Variants in SGPP2 observed in about 807,000 individuals in gnomAD.
SGPP2 encodes the protein sphingosine 1-phosphate phosphohydrolase 2.
Under a neutral mutation model 33.9 loss-of-function variants are expected in SGPP2, and 30 were observed. The observed-to-expected ratio is 0.89, with a 90% CI of 0.66 to 1.20. The LOEUF (loss-of-function observed/expected upper bound fraction) is 1.20. SGPP2 is among the 50% of genes most tolerant of loss of function. The pLI, the probability that SGPP2 is intolerant of heterozygous loss-of-function variation, is 0.00. For synonymous variants in SGPP2, 233 were observed against 225.0 expected (o/e 1.04, Z -0.32); for missense variants, 458 against 532.1 (o/e 0.86, Z 1.37).
chr2:222,430,994 T>A (rs1284169086), intron 1 of SGPP2, among the ~76,000 whole-genome samples: 1 of 151,756 alleles, frequency 6.6e-6, no homozygotes, highest in African/African-American at 2.4e-5. Flanking sequence ...AAAAAAAAAT[T>A]AGGTAAAAAA....
At chr2:222,473,429 T>C (rs1697879668) in intron 1 of SGPP2, among the ~76,000 whole-genome samples, 1 of 152,176 alleles carries the variant, frequency 6.6e-6, no homozygotes, top group Non-Finnish European at 1.5e-5. Context: ...TTCTGCCTCC[T>C]CCTTCCATTT....
At position 222,550,606 on chromosome 2, in the gene SGPP2, T is replaced by G. The variant is rs2106155004; in HGVS notation, c.649-7741T>G. On this transcript the variant is annotated intron_variant, in intron 4 of 4. Coordinates refer to ENST00000321276, the MANE Select transcript of SGPP2 (RefSeq NM_152386.4). The surrounding 1 kb of genome is among the most constrained non-coding windows in gnomAD (Gnocchi z 4.5). ...ATGGTTACCTTGAAACCATAGAAAA[T>G]GAGGTTGCAGAAATTTGTCTTTTCA... Among the ~76,000 whole-genome samples, 1 of 152,274 alleles carries G rather than the reference T, an allele frequency of 6.6e-6. No homozygotes were observed. The highest frequency in any genetic ancestry group is 2.1e-4 in the South Asian group (1 of 4,830).
chr2:222,496,709 C>T (rs146743465), intron 2 of SGPP2, among the ~76,000 whole-genome samples: 1,632 of 152,238 alleles, frequency 0.011, 88 homozygotes, highest in Admixed American at 0.099. Flanking sequence ...CCAGTAGGTA[C>T]ATATTCTACT....
chr2:222,549,213 T>A (rs1229690113), intron 4 of SGPP2, among the ~76,000 whole-genome samples: 1 of 152,240 alleles, frequency 6.6e-6, no homozygotes, highest in African/African-American at 2.4e-5. Context: ...ATGCATTCTT[T>A]CCTAACAATT....
chr2:222,441,993 C>A (rs893988390), intron 1 of SGPP2, among the ~76,000 whole-genome samples: 3 of 152,216 alleles, frequency 2.0e-5, no homozygotes, highest in African/African-American at 4.8e-5. Flanking sequence ...TACAGTATAT[C>A]TTTTCCTGTT....
In SGPP2 at chr2:222,442,975, T is replaced by G. The variant is rs539643395; in HGVS notation, c.219+18154T>G. 8.5e-5 allele frequency among the ~76,000 whole-genome samples: 13 copies of G among 152,272 alleles called. No individual in the cohort carries two copies. The East Asian group carries it at 2.3e-3, about 27-fold the overall frequency. ...ACGATCAAATATTGAATCATGACAT[T>G]ATAGTAAGGAATGCCTCCGAAGTAA... On this transcript the variant is annotated intron_variant, in intron 1 of 4. Coordinates refer to ENST00000321276, the MANE Select transcript of SGPP2 (RefSeq NM_152386.4).
At chr2:222,470,103 G>C (rs759089496) in intron 1 of SGPP2, among the ~76,000 whole-genome samples, 1 of 152,014 alleles carries the variant, frequency 6.6e-6, no homozygotes, top group African/African-American at 2.4e-5. Context: ...ATCACACACC[G>C]GGGCCTGTCA....
intron 3 of SGPP2, among the ~76,000 whole-genome samples, chr2:222,523,986 C>A (rs1322538119): frequency 6.6e-6 from 1 of 152,168 alleles, no homozygotes; most frequent in Non-Finnish European, 1.5e-5. Context: ...GAAGGCATGG[C>A]CTTCAGTTCT....
intron 1 of SGPP2, among the ~76,000 whole-genome samples, chr2:222,449,142 C>T (rs1045998827): frequency 2.0e-4 from 31 of 152,178 alleles, no homozygotes; most frequent in African/African-American, 7.0e-4. Flanking sequence ...TCCCACTGTG[C>T]GTTCTGTCTT....
chr2:222,488,196 C>T (rs376659598), intron 2 of SGPP2, among the ~76,000 whole-genome samples: 3 of 152,164 alleles, frequency 2.0e-5, no homozygotes, highest in African/African-American at 7.2e-5. Flanking sequence ...AGGGAGAGGA[C>T]GCAATCATTA....
intron 2 of SGPP2, among the ~76,000 whole-genome samples, chr2:222,519,831 G>T (rs917368927): frequency 6.6e-6 from 1 of 152,114 alleles, no homozygotes; most frequent in African/African-American, 2.4e-5. Context: ...CCATGTTGTT[G>T]CAAGAACATG....
intron 1 of SGPP2, among the ~76,000 whole-genome samples, chr2:222,426,988 C>A (rs540665276): frequency 2.6e-5 from 4 of 152,322 alleles, no homozygotes; most frequent in South Asian, 4.1e-4. Context: ...TCAGTTCCTC[C>A]ATGGGTGACT....
chr2:222,427,686 A>G (rs1204146975), intron 1 of SGPP2, among the ~76,000 whole-genome samples: 4 of 152,230 alleles, frequency 2.6e-5, no homozygotes, highest in African/African-American at 4.8e-5. Flanking sequence ...CCTTCAAACA[A>G]TAGAGAAGTT....
At chr2:222,525,387 C>T (rs1212678318) in intron 4 of SGPP2, among the ~76,000 whole-genome samples, 1 of 152,132 alleles carries the variant, frequency 6.6e-6, no homozygotes, top group Non-Finnish European at 1.5e-5. Flanking sequence ...GATGCAGTTC[C>T]CCACTTAGGT....
intron 2 of SGPP2, among the ~76,000 whole-genome samples, chr2:222,479,724 C>G (rs971634951): frequency 6.6e-6 from 1 of 152,104 alleles, no homozygotes; most frequent in Non-Finnish European, 1.5e-5. Context: ...CTTCTTAACC[C>G]ATTTATGCCT....
chr2:222,540,979 G>A (rs893608969), intron 4 of SGPP2, among the ~76,000 whole-genome samples: 12 of 151,884 alleles, frequency 7.9e-5, no homozygotes, highest in Admixed American at 1.3e-4. Context: ...CACCATGCCC[G>A]GCTAATTTTT....
chr2:222,516,730 A>T (rs1321453283), intron 2 of SGPP2, among the ~76,000 whole-genome samples: 1 of 152,160 alleles, frequency 6.6e-6, no homozygotes, highest in Non-Finnish European at 1.5e-5. Flanking sequence ...CCAACACTTG[A>T]TGTGTCAGTC....
chr2:222,506,193 G>A (rs964615596), intron 2 of SGPP2, among the ~76,000 whole-genome samples: 7 of 152,152 alleles, frequency 4.6e-5, no homozygotes, highest in African/African-American at 1.2e-4. Flanking sequence ...TCACCTCCAC[G>A]TGAACAGTTG....
At chr2:222,435,220 C>G (rs943361280) in intron 1 of SGPP2, among the ~76,000 whole-genome samples, 1 of 152,024 alleles carries the variant, frequency 6.6e-6, no homozygotes, top group African/African-American at 2.4e-5. Flanking sequence ...TGTTTGAGAG[C>G]AAGAAGCATC....
Sources: gnomAD v4.1 joint callset for allele counts (sites outside exome capture counted in the v4.1 genomes callset) on GRCh38, gnomAD v4.1.1 for gene constraint, Gnocchi (gnomAD v3.1) non-coding constraint, MANE v1.5 for transcripts, NCBI Gene and HGNC (gene_info 2026-07-23, HGNC 2026-07-21) for gene names.